The following MAF variants were observed in gnomAD, a reference collection of about 807,000 sequenced individuals.
The protein encoded by MAF is MAF bZIP transcription factor.
A neutral mutation model predicts 22.0 loss-of-function variants in MAF; 10 were observed. The observed-to-expected ratio is 0.45, with a 90% CI of 0.28 to 0.77. The LOEUF (loss-of-function observed/expected upper bound fraction) is 0.77, where lower values mean the gene tolerates loss of function less well. Among genes scored for constraint, MAF ranks in the 30% least tolerant of loss-of-function variants. The pLI is 0.12. For synonymous variants in MAF, 337 were observed against 255.8 expected (o/e 1.32, Z -3.03); for missense variants, 544 against 548.4 (o/e 0.99, Z 0.08).
the MAF span, chr16:79,264,638 C>T: frequency 6.6e-6 from 1 of 152,172 alleles, no homozygotes; most frequent in Non-Finnish European, 1.5e-5. Context: ...AGAATTATGG[C>T]TTTCCTCTTA....
the MAF span, among the ~76,000 whole-genome samples, chr16:79,306,407 G>A: frequency 6.6e-6 from 1 of 152,208 alleles, no homozygotes; most frequent in South Asian, 2.1e-4. Context: ...CCTACAATAT[G>A]TAAGGTTTAG....
chr16:79,536,868 T>C, the MAF span, among the ~76,000 whole-genome samples: 1 of 152,314 alleles, frequency 6.6e-6, no homozygotes, highest in Admixed American at 6.5e-5. Flanking sequence ...CTACACCATT[T>C]TAAGTAAGAG....
chr16:79,429,795 C>T, the MAF span, among the ~76,000 whole-genome samples: 157 of 152,296 alleles, frequency 1.0e-3, 1 homozygote, highest in African/African-American at 3.5e-3. Flanking sequence ...TGGACCTGTG[C>T]TTTCTGCACT....
the MAF span, among the ~76,000 whole-genome samples, chr16:79,478,518 G>A: frequency 1.1e-4 from 16 of 152,220 alleles, no homozygotes; most frequent in Middle Eastern, 3.4e-3. Flanking sequence ...CTTAGATGTG[G>A]CAATGCTGGG....
chr16:79,204,118 A>T, the MAF span: 1 of 151,984 alleles, frequency 6.6e-6, no homozygotes, highest in Non-Finnish European at 1.5e-5. Flanking sequence ...GGCTATTTCA[A>T]ACCAACCATG....
At chr16:79,351,904 G>A in the MAF span, among the ~76,000 whole-genome samples, 12 of 152,098 alleles carry the variant, frequency 7.9e-5, no homozygotes, top group Non-Finnish European at 1.6e-4. Flanking sequence ...CCTGGAAAAA[G>A]TGCAATGACA....
chr16:79,512,950 G>C, the MAF span, among the ~76,000 whole-genome samples: 4 of 152,350 alleles, frequency 2.6e-5, no homozygotes, highest in African/African-American at 7.2e-5. Flanking sequence ...GCGCGAGAGA[G>C]GGGCTGAGTT....
chr16:79,352,962 G>C, the MAF span, among the ~76,000 whole-genome samples: 1 of 152,164 alleles, frequency 6.6e-6, no homozygotes, highest in East Asian at 1.9e-4. Context: ...ATATATGTCA[G>C]TATAATTCAA....
At chr16:79,263,248 T>G in the MAF span, among the ~76,000 whole-genome samples, 1 of 152,324 alleles carries the variant, frequency 6.6e-6, no homozygotes, top group East Asian at 1.9e-4. Flanking sequence ...GCCAAGTCAT[T>G]GCAACTTTCT....
the MAF span, among the ~76,000 whole-genome samples, chr16:79,416,539 T>A: frequency 6.7e-6 from 1 of 149,262 alleles, no homozygotes; most frequent in Non-Finnish European, 1.5e-5. Flanking sequence ...GTGACTTTCA[T>A]AGAATTGAAT....
chr16:79,230,029 G>A, the MAF span, among the ~76,000 whole-genome samples: 1 of 152,028 alleles, frequency 6.6e-6, no homozygotes, highest in African/African-American at 2.4e-5. Context: ...GCACTACACT[G>A]AATCCTTCAT....
the MAF span, among the ~76,000 whole-genome samples, chr16:79,480,031 C>T: frequency 6.6e-6 from 1 of 152,144 alleles, no homozygotes; most frequent in Non-Finnish European, 1.5e-5. Flanking sequence ...TTCATAGACA[C>T]CCATTCTACT....
chr16:79,569,517 C>A, the MAF span, among the ~76,000 whole-genome samples: 5 of 152,196 alleles, frequency 3.3e-5, no homozygotes, highest in Non-Finnish European at 5.9e-5. Flanking sequence ...GTTCCAATAT[C>A]ACCTGGAAAC....
the MAF span, among the ~76,000 whole-genome samples, chr16:79,400,144 C>T: frequency 1.3e-5 from 2 of 152,240 alleles, no homozygotes; most frequent in East Asian, 3.9e-4. Flanking sequence ...TGGGTAGACA[C>T]CAGCAATGTG....
the MAF span, among the ~76,000 whole-genome samples, chr16:79,356,440 C>G: frequency 1.3e-5 from 2 of 152,262 alleles, no homozygotes; most frequent in East Asian, 3.9e-4. Context: ...GCTATAGAAC[C>G]TTCCCAGCCT....
the MAF span, among the ~76,000 whole-genome samples, chr16:79,457,349 C>G: frequency 1.3e-5 from 2 of 151,494 alleles, no homozygotes; most frequent in East Asian, 1.9e-4. Flanking sequence ...ACAGCAGCAG[C>G]CCAAAGCCAG....
chr16:79,491,488 A>G, the MAF span, among the ~76,000 whole-genome samples: 6 of 152,100 alleles, frequency 3.9e-5, no homozygotes, highest in Non-Finnish European at 7.3e-5. Flanking sequence ...GTCAATTCTG[A>G]AGCTGTCACA....
the MAF span, chr16:79,211,883 C>A: frequency 6.3e-7 from 1 of 1,583,342 alleles, no homozygotes; most frequent in Non-Finnish European, 8.6e-7. Flanking sequence ...TCCAAATGTC[C>A]CTCCAACACA....
At chr16:79,334,750 T>C in the MAF span, among the ~76,000 whole-genome samples, 8 of 152,148 alleles carry the variant, frequency 5.3e-5, no homozygotes, top group Admixed American at 2.6e-4. Flanking sequence ...GTGCACTTTA[T>C]AGGAGTAAAG....
Sources: gnomAD v4.1 joint callset for allele counts (sites outside exome capture counted in the v4.1 genomes callset) on GRCh38, gnomAD v4.1.1 for gene constraint, MANE v1.5 for transcripts, NCBI Gene and HGNC (gene_info 2026-07-23, HGNC 2026-07-21) for gene names.